Variants in CUL2 observed in about 807,000 individuals in gnomAD.
CUL2 encodes the protein cullin 2.
CUL2 carries 22 observed loss-of-function variants against 110.2 expected under a neutral mutation model. That is an observed-to-expected ratio of 0.20 (90% CI 0.14 to 0.28). The LOEUF (loss-of-function observed/expected upper bound fraction) is 0.28. CUL2 is among the 10% of genes least tolerant of loss of function. CUL2 has a pLI of 1.00. For synonymous variants in CUL2, 279 were observed against 293.2 expected, an observed-to-expected ratio of 0.95 and a Z score of 0.49; for missense variants, 631 against 905.5, an observed-to-expected ratio of 0.70 and a Z score of 3.89.
At chr10:35,060,123 T>C (rs1351858998) in intron 4 of CUL2, among the ~76,000 whole-genome samples, 2 of 152,086 alleles carry the variant, frequency 1.3e-5, no homozygotes, top group Non-Finnish European at 2.9e-5. Flanking sequence ...TAGCCAGGCA[T>C]GGCGGTGCAC....
intron 1 of CUL2, among the ~76,000 whole-genome samples, chr10:35,111,031 A>G (rs2087517743): frequency 6.6e-6 from 1 of 152,130 alleles, no homozygotes; most frequent in African/African-American, 2.4e-5. Context: ...TAGGATTTTT[A>G]GATTAGGAGT....
chr10:35,033,289 A>C lies in CUL2; in HGVS notation c.1003-16T>G, dbSNP rs2085524498. 1 of 1,561,964 alleles carries C rather than the reference A, an allele frequency of 6.4e-7. No individual in the cohort carries two copies. Among genetic ancestry groups the C allele is most frequent in the Admixed American group, 1.7e-5 (1 of 59,894 alleles). On this transcript the variant is annotated splice_polypyrimidine_tract_variant and intron_variant, in intron 10 of 20. Transcript: ENST00000374749. ...GTGTTGGCATCTAAAAATGAAATAT[A>C]AGTACAAAACCACATTTTAAGAGGT...
chr10:35,054,824 G>A (rs916413300), intron 4 of CUL2, among the ~76,000 whole-genome samples: 1 of 151,708 alleles, frequency 6.6e-6, no homozygotes, highest in African/African-American at 2.4e-5. Context: ...ACTCTTCTTG[G>A]GAAAGTCAAG....
At chr10:35,061,068 A>G in intron 3 of CUL2, 100 bp from the exon 4 acceptor site, 1 of 1,263,852 alleles carries the variant, frequency 7.9e-7, no homozygotes. Context: ...TAATTTACAT[A>G]ATTCTAGCTG....
At chr10:35,109,087 C>T (rs1036340544) in intron 1 of CUL2, among the ~76,000 whole-genome samples, 2 of 152,006 alleles carry the variant, frequency 1.3e-5, no homozygotes, top group African/African-American at 4.8e-5. Flanking sequence ...GTGGTGCACA[C>T]CTATAGTTCC....
At chr10:35,029,770 T>C (rs1334941962) in intron 14 of CUL2, 130 bp from the exon 15 acceptor site, 2 of 575,062 alleles carry the variant, frequency 3.5e-6, no homozygotes, top group African/African-American at 4.0e-5. Flanking sequence ...ACCCAAGGAC[T>C]AGTAATATAT....
chr10:35,070,587 A>G (rs946326438), intron 2 of CUL2, among the ~76,000 whole-genome samples: 1 of 152,166 alleles, frequency 6.6e-6, no homozygotes, highest in African/African-American at 2.4e-5. Flanking sequence ...GAAATCACCA[A>G]TCTGCATTGT....
chr10:35,097,292 C>T (rs1410512443), intron 2 of CUL2, among the ~76,000 whole-genome samples: 1 of 151,994 alleles, frequency 6.6e-6, no homozygotes, highest in Admixed American at 6.6e-5. Context: ...TGCATCTGTG[C>T]CTTGGATTTT....
chr10:35,047,934 T>A (rs1461334619), intron 6 of CUL2, among the ~76,000 whole-genome samples: 1 of 151,676 alleles, frequency 6.6e-6, no homozygotes, highest in Non-Finnish European at 1.5e-5. Context: ...AGGACAGGCA[T>A]AATGAATTCA....
chr10:35,069,157 G>A (rs1357372854), intron 2 of CUL2, among the ~76,000 whole-genome samples: 2 of 152,082 alleles, frequency 1.3e-5, no homozygotes, highest in Admixed American at 6.6e-5. Context: ...GTGAGACAAC[G>A]TGCCCGGCCT....
intron 1 of CUL2, among the ~76,000 whole-genome samples, chr10:35,074,893 C>T (rs927144687): frequency 1.3e-5 from 2 of 152,192 alleles, no homozygotes; most frequent in Non-Finnish European, 2.9e-5. Context: ...AGTACTTCAT[C>T]GCTCTGAACT....
intron 5 of CUL2, among the ~76,000 whole-genome samples, chr10:35,054,147 T>C (rs975883063): frequency 6.6e-6 from 1 of 152,192 alleles, no homozygotes; most frequent in Non-Finnish European, 1.5e-5. Flanking sequence ...ACTTTTTAAC[T>C]ACAGGGCCGT....
At chr10:35,051,170 C>T (rs533511654) in intron 5 of CUL2, among the ~76,000 whole-genome samples, 1 of 151,136 alleles carries the variant, frequency 6.6e-6, no homozygotes, top group South Asian at 2.1e-4. Context: ...AAAAAATTAG[C>T]GGGGCGTGGT....
At chr10:35,029,228 T>C (rs975416809) in intron 15 of CUL2, among the ~76,000 whole-genome samples, 4 of 152,128 alleles carry the variant, frequency 2.6e-5, no homozygotes, top group Non-Finnish European at 4.4e-5. Flanking sequence ...TGGCTAATTT[T>C]TGCATTTTTA....
intron 17 of CUL2, among the ~76,000 whole-genome samples, chr10:35,022,998 T>C (rs1564700310): frequency 1.3e-5 from 2 of 151,978 alleles, no homozygotes; most frequent in Admixed American, 6.6e-5. Flanking sequence ...TGAGCCGAGA[T>C]CGCCACTGCA....
chr10:35,018,288 C>CAAAAAA (rs11357517), intron 17 of CUL2, among the ~76,000 whole-genome samples: 2 of 75,242 alleles, frequency 2.7e-5, no homozygotes, highest in African/African-American at 6.2e-5. Context: ...CTCCATCTCA[C>CAAAAAA]AAAAAAAAAA....
intron 1 of CUL2, among the ~76,000 whole-genome samples, chr10:35,109,378 A>G (rs1425855398): frequency 1.3e-5 from 2 of 152,130 alleles, no homozygotes; most frequent in African/African-American, 4.8e-5. Flanking sequence ...GTGCCATGCA[A>G]TGTTCTAGGT....
rs1358274054 is a variant in CUL2 at position 35,013,692 on chromosome 10, C to A, written c.1989+7G>T. ...CTCAAAAAAAACTTGACATTAAAAGCACTTACTTGTGGTGTGTCTTTCTGC... is the reference window on the plus strand; with the variant it reads ...CTCAAAAAAAACTTGACATTAAAAGAACTTACTTGTGGTGTGTCTTTCTGC... On this transcript the variant is annotated splice_region_variant and intron_variant, in intron 19 of 20. Coordinates refer to ENST00000374749, the MANE Select transcript of CUL2 (RefSeq NM_003591.4). 2 of 1,536,780 alleles carry A rather than the reference C, an allele frequency of 1.3e-6. No homozygotes were observed. Among genetic ancestry groups the A allele is most frequent in the Admixed American group, 1.9e-5 (1 of 52,126 alleles).
Position 35,116,642 on chromosome 10 carries a change from G to T in CUL2, c.-51+9963C>A, listed in dbSNP as rs115463894. 7.9e-3 allele frequency among the ~76,000 whole-genome samples: 1,207 copies of T among 152,186 alleles called. 21 individuals carry two copies. Among genetic ancestry groups the T allele is most frequent in the African/African-American group, 0.027 (1,135 of 41,526 alleles). On this transcript the variant is annotated intron_variant, in intron 1 of 5. Transcript: ENST00000685421. Reference sequence around the variant, plus strand: ...GGGGATTTAAAAAACATTATGTCAAGTATTTAGTAAATGTTCAGTACTCAG... The same window carrying T: ...GGGGATTTAAAAAACATTATGTCAATTATTTAGTAAATGTTCAGTACTCAG...
Sources: allele counts gnomAD v4.1 joint callset (sites outside exome capture counted in the v4.1 genomes callset), GRCh38; gene constraint gnomAD v4.1.1; transcripts MANE v1.5; gene names NCBI Gene and HGNC (gene_info 2026-07-23, HGNC 2026-07-21).